MYH1: variants seen among roughly 807,000 people sequenced by gnomAD.
MYH1 encodes myosin heavy chain 1, also known as myosin-1.
In MYH1, 214 loss-of-function variants were observed where a neutral mutation model predicts 225.6. The ratio of observed to expected loss-of-function variants is 0.95; its 90% CI spans 0.85 to 1.06. The LOEUF is 1.06. MYH1 is among the 50% of genes least tolerant of loss of function. The pLI is 0.00. For synonymous variants in MYH1, 774 were observed against 842.3 expected (o/e 0.92, Z 1.40); for missense variants, 2,098 against 2,344.2 (o/e 0.89, Z 2.17).
intron 9 of MYH1, 75 bp downstream of exon 9, chr17:10,513,551 G>T: frequency 7.2e-7 from 1 of 1,384,326 alleles, no homozygotes; most frequent in Non-Finnish European, 1.0e-6. Flanking sequence ...TCCATGTTCA[G>T]CAGGAGCTGC....
At chr17:10,517,690 TTGTG>T (rs910388868) in intron 2 of MYH1, among the ~76,000 whole-genome samples, 1 of 151,974 alleles carries the variant, frequency 6.6e-6, no homozygotes, top group Non-Finnish European at 1.5e-5. Flanking sequence ...ATGTTTCGTA[TTGTG>T]TGTGTGTATA....
chr17:10,505,422 A>G lies in MYH1; in HGVS notation c.2264T>C (p.Ile755Thr). The G allele has an allele frequency of 6.2e-7, 1 of 1,614,236 alleles. No individual in the cohort carries two copies. The change falls in exon 20 of 40, where the codon ATT (isoleucine) becomes ACT (threonine). Residue 755 changes from isoleucine to threonine, a missense_variant. By Grantham distance (89) the Ile-to-Thr change is moderately conservative (BLOSUM62 -1). Coordinates refer to ENST00000226207, the MANE Select transcript of MYH1 (RefSeq NM_005963.4). Reference sequence around the variant, plus strand: ...ACCAAATTTATACTGGGTGTGGTCAATGTCAATGGACCCCAGGAGCTTCTC... The same window carrying G: ...ACCAAATTTATACTGGGTGTGGTCAGTGTCAATGGACCCCAGGAGCTTCTC... ...ASEKLLGSID[I>T]DHTQYKFGHT...
At chr17:10,509,374 C>T in intron 15 of MYH1, 111 bp downstream of exon 15, 1 of 1,529,630 alleles carries the variant, frequency 6.5e-7, no homozygotes, top group Non-Finnish European at 8.9e-7. Flanking sequence ...GAATTCTCCT[C>T]ATGTTTTTCA....
intron 22 of MYH1, among the ~76,000 whole-genome samples, chr17:10,503,685 CA>C (rs1184778220): frequency 6.6e-6 from 1 of 152,042 alleles, no homozygotes; most frequent in Non-Finnish European, 1.5e-5. Context: ...GGAACATGTT[CA>C]AGGTGATGCT....
chr17:10,498,340 G>A (rs754075826), intron 30 of MYH1, among the ~76,000 whole-genome samples: 1 of 152,172 alleles, frequency 6.6e-6, no homozygotes, highest in Non-Finnish European at 1.5e-5. Context: ...GGGCTCAAAT[G>A]TTGGATAAAT....
rs762659426 is a variant in MYH1 at position 10,509,556 on chromosome 17, T to C, written c.1516A>G (p.Lys506Glu). 4 of 1,614,202 alleles carry C rather than the reference T, an allele frequency of 2.5e-6. No individual in the cohort carries two copies. The highest frequency in any genetic ancestry group is 3.4e-6 in the Non-Finnish European group (4 of 1,180,036). Residue 506 changes from lysine (K) to glutamate (E), a missense_variant, in exon 15 of 40, where the codon AAG becomes GAG. Transcript: ENST00000226207. The part of the protein sequence containing the change: ...MFVLEQEEYK[K>E]EGIEWTFIDF... Reference sequence around the variant, plus strand: ...ATGAACGTCCACTCAATGCCTTCCTTCTTGTACTCCTCCTGCTCCAGCACG... The same window carrying C: ...ATGAACGTCCACTCAATGCCTTCCTCCTTGTACTCCTCCTGCTCCAGCACG...
intron 24 of MYH1, among the ~76,000 whole-genome samples, chr17:10,502,470 G>T (rs1193683008): frequency 6.6e-6 from 1 of 152,134 alleles, no homozygotes; most frequent in Non-Finnish European, 1.5e-5. Flanking sequence ...TGTTTTGCTT[G>T]TATAGCTTTT....
At chr17:10,514,962 A>T (rs2073210807) in intron 5 of MYH1, 67 bp from the exon 6 acceptor site, 1 of 1,404,060 alleles carries the variant, frequency 7.1e-7, no homozygotes, top group Non-Finnish European at 1.0e-6. Context: ...CTATAGTGAA[A>T]CAGGGCATTT....
At chr17:10,506,945 C>T (rs2073118582) in intron 17 of MYH1, among the ~76,000 whole-genome samples, 1 of 152,224 alleles carries the variant, frequency 6.6e-6, no homozygotes, top group Non-Finnish European at 1.5e-5. Context: ...AGAAAACTGA[C>T]AGCCATGTTA....
intron 6 of MYH1, 30 bp from the exon 7 acceptor site, chr17:10,514,154 A>G (rs1209593316): frequency 6.8e-6 from 11 of 1,610,440 alleles, no homozygotes; most frequent in Non-Finnish European, 9.3e-6. Context: ...TGAGAAATTA[A>G]GCACTGTGAC....
intron 19 of MYH1, 85 bp downstream of exon 19, chr17:10,505,727 A>C: frequency 6.5e-7 from 1 of 1,539,656 alleles, no homozygotes; most frequent in Non-Finnish European, 8.9e-7. Flanking sequence ...CAATTTTAAG[A>C]GGAGGTATAA....
intron 28 of MYH1, among the ~76,000 whole-genome samples, chr17:10,499,618 G>C (rs915263667): frequency 6.6e-6 from 1 of 152,148 alleles, no homozygotes; most frequent in East Asian, 1.9e-4. Flanking sequence ...TTCTGGATAA[G>C]TACTTTCCAA....
chr17:10,506,866 T>TA (rs1386943396), intron 17 of MYH1, among the ~76,000 whole-genome samples: 1 of 152,102 alleles, frequency 6.6e-6, no homozygotes, highest in Admixed American at 6.5e-5. Flanking sequence ...TTGCCATAGA[T>TA]ATAGAGCTGT....
At chr17:10,508,006 TTTTTTTTTTTTG>T in intron 16 of MYH1, 50 bp from the exon 17 acceptor site, 1 of 1,006,524 alleles carries the variant, frequency 9.9e-7, no homozygotes, top group East Asian at 2.7e-5. Context: ...CTGGTTATGG[TTTTTTTTTTTTG>T]TTTTTTTTTG....
At chr17:10,506,395 T>G (rs2073112878) in intron 17 of MYH1, among the ~76,000 whole-genome samples, 1 of 152,216 alleles carries the variant, frequency 6.6e-6, no homozygotes, top group South Asian at 2.1e-4. Flanking sequence ...ATGGAAATAC[T>G]CTACCCATTC....
rs2073138540 is a variant in MYH1, at chr17:10,508,492, C to T, written c.1768G>A (p.Asp590Asn). 1.2e-6 allele frequency: 2 copies of T among 1,614,026 alleles called. No homozygotes were observed. Among genetic ancestry groups the T allele is most frequent in the African/African-American group, 2.7e-5 (2 of 74,906 alleles). Residue 590 changes from aspartate to asparagine, a missense_variant, in exon 16 of 40, where the codon GAC becomes AAC. Physicochemically the swap from Asp to Asn is conservative, Grantham distance 23. Transcript: ENST00000226207. ...FSLIHYAGTV[D>N]YNIAGWLDKN... ...TCAAGCCAGCCGGCAATGTTGTAGTCCACGGTGCCAGCATAGTGAATCAAA... is the reference window on the plus strand; with the variant it reads ...TCAAGCCAGCCGGCAATGTTGTAGTTCACGGTGCCAGCATAGTGAATCAAA...
intron 15 of MYH1, 47 bp downstream of exon 15, chr17:10,509,438 A>T (rs771306861): frequency 6.2e-7 from 1 of 1,609,884 alleles, no homozygotes; most frequent in South Asian, 1.1e-5. Flanking sequence ...TTTTCTTTTA[A>T]ATACTGTACA....
chr17:10,497,616 G>T, intron 31 of MYH1, 118 bp downstream of exon 31: 1 of 1,503,320 alleles, frequency 6.7e-7, no homozygotes, highest in Non-Finnish European at 9.0e-7. Flanking sequence ...ACAGACAGCT[G>T]CTGATGGGTT....
chr17:10,506,806 T>C (rs2073117296), intron 17 of MYH1, among the ~76,000 whole-genome samples: 1 of 152,178 alleles, frequency 6.6e-6, no homozygotes, highest in African/African-American at 2.4e-5. Context: ...CTCACTTCTT[T>C]CTTTACCTGA....
Sources: gnomAD v4.1 joint callset for allele counts (sites outside exome capture counted in the v4.1 genomes callset) on GRCh38, gnomAD v4.1.1 for gene constraint, MANE v1.5 for transcripts, NCBI Gene and HGNC (gene_info 2026-07-23, HGNC 2026-07-21) for gene names.